DSCAM: variants seen among roughly 807,000 people sequenced by gnomAD.
DSCAM encodes DS cell adhesion molecule.
Under a neutral mutation model 217.7 loss-of-function variants are expected in DSCAM, and 47 were observed. The observed-to-expected ratio is 0.22, with a 90% CI of 0.17 to 0.28. DSCAM has a LOEUF of 0.28. Ranked by LOEUF, DSCAM falls within the 10% of genes least tolerant of loss-of-function variation. The probability of loss-of-function intolerance (pLI) is 1.00; values close to 1 mark genes in which losing one functional copy is unlikely to be tolerated. For missense variants in DSCAM, 2,080 were observed against 2,618.3 expected (o/e 0.79, Z 4.49); for synonymous variants, 1,056 against 1,015.3 (o/e 1.04, Z -0.76).
intron 18 of DSCAM, among the ~76,000 whole-genome samples, chr21:40,137,091 C>T (rs373463489): frequency 1.4e-5 from 2 of 146,784 alleles, no homozygotes; most frequent in African/African-American, 2.5e-5. Context: ...AAGAGAACGG[C>T]GTGAACCTGG....
chr21:40,196,452 T>C (rs1167883691), intron 11 of DSCAM, among the ~76,000 whole-genome samples: 1 of 151,700 alleles, frequency 6.6e-6, no homozygotes, highest in East Asian at 1.9e-4. Flanking sequence ...TCCCTGGGGG[T>C]GGGGGTTATG....
chr21:40,413,475 C>T (rs2075341830), intron 3 of DSCAM, among the ~76,000 whole-genome samples: 1 of 152,172 alleles, frequency 6.6e-6, no homozygotes, highest in African/African-American at 2.4e-5. Context: ...CATTTTGGAG[C>T]TTTAAGATTT....
chr21:40,396,352 G>T (rs2075178243), intron 3 of DSCAM, among the ~76,000 whole-genome samples: 1 of 152,116 alleles, frequency 6.6e-6, no homozygotes, highest in African/African-American at 2.4e-5. Context: ...CCTAACTTTA[G>T]GAATTAGCCA....
At chr21:40,678,459 G>A (rs4818161) in intron 3 of DSCAM, among the ~76,000 whole-genome samples, 67,435 of 151,822 alleles carry the variant, frequency 0.44, 15,512 homozygotes, top group East Asian at 0.59. Context: ...ATAATTCTCC[G>A]ATGAGAAATC....
At chr21:40,113,758 T>C (rs1035470643) in intron 20 of DSCAM, among the ~76,000 whole-genome samples, 7 of 152,196 alleles carry the variant, frequency 4.6e-5, no homozygotes, top group South Asian at 2.1e-4. Flanking sequence ...AGCATTCTTA[T>C]ATACCAATAA....
At chr21:40,131,719 ACT>A (rs1484004132) in intron 19 of DSCAM, among the ~76,000 whole-genome samples, 1 of 152,060 alleles carries the variant, frequency 6.6e-6, no homozygotes, top group Non-Finnish European at 1.5e-5. Context: ...AAATATTGAC[ACT>A]CAGTTCTGCA....
Position 40,807,109 on chromosome 21 carries a change from G to GAATC in DSCAM, c.43+39506_43+39509dup, listed in dbSNP as rs138377770. On this transcript the variant is annotated intron_variant, in intron 1 of 32. Coordinates refer to ENST00000400454, the MANE Select transcript of DSCAM (RefSeq NM_001389.5). Reference sequence around the variant, plus strand: ...TGTATCCCAGAACTTAAAGTATAATGAATCAATCAATCAATCAATCAATCA... The same window carrying GAATC: ...TGTATCCCAGAACTTAAAGTATAATGAATCAATCAATCAATCAATCAATCAATCA... Among the ~76,000 whole-genome samples the GAATC allele has an allele frequency of 4.9e-3, 742 of 151,226 alleles. 7 individuals carry two copies. Among genetic ancestry groups the GAATC allele is most frequent in the African/African-American group, 0.016 (638 of 41,136 alleles).
chr21:40,678,636 T>C (rs943896248), intron 3 of DSCAM, among the ~76,000 whole-genome samples: 6 of 152,122 alleles, frequency 3.9e-5, no homozygotes, highest in African/African-American at 1.4e-4. Context: ...CCCTGAAGCT[T>C]CTCCACACAG....
chr21:40,505,655 G>A lies in DSCAM; in HGVS notation c.509-136410C>T, dbSNP rs556239101. ...ACCTGTTTACAGGGACTCTTACTAA[G>A]AGAACAGGCTGTTGCTAAGGTACAG... On this transcript the variant is annotated intron_variant, in intron 3 of 32. Coordinates refer to ENST00000400454, the MANE Select transcript of DSCAM (RefSeq NM_001389.5). Among the ~76,000 whole-genome samples, 5 of 152,308 alleles carry A rather than the reference G, an allele frequency of 3.3e-5. No individual in the cohort carries two copies. In the East Asian group the frequency reaches 9.6e-4, roughly 29 times the overall value.
Position 40,436,807 on chromosome 21 carries a change from C to T in DSCAM, c.509-67562G>A, listed in dbSNP as rs546696763. 2.0e-5 allele frequency among the ~76,000 whole-genome samples: 3 copies of T among 151,466 alleles called. No individual in the cohort carries two copies. In the Admixed American group the frequency reaches 2.0e-4, roughly 10 times the overall value. ...CACAGTCTTTTGGGATGATAGAGTT[C>T]CTGCATGCATGAAGCCAGCTTGGAA... On this transcript the variant is annotated intron_variant, in intron 3 of 32. Coordinates refer to ENST00000400454, the MANE Select transcript of DSCAM (RefSeq NM_001389.5).
intron 10 of DSCAM, among the ~76,000 whole-genome samples, chr21:40,277,632 AT>A (rs563319395): frequency 0.033 from 4,511 of 137,168 alleles, 170 homozygotes; most frequent in African/African-American, 0.11. Flanking sequence ...GACAACCTGA[AT>A]TTTTTTTTTT....
intron 3 of DSCAM, among the ~76,000 whole-genome samples, chr21:40,479,278 A>G (rs2075962527): frequency 6.6e-6 from 1 of 152,222 alleles, no homozygotes; most frequent in Non-Finnish European, 1.5e-5. Flanking sequence ...TTACTACCCT[A>G]TAAAGCCCAG....
At chr21:40,416,727 T>A (rs1449853811) in intron 3 of DSCAM, among the ~76,000 whole-genome samples, 2 of 151,660 alleles carry the variant, frequency 1.3e-5, no homozygotes, top group Non-Finnish European at 3.0e-5. Flanking sequence ...ATAAAAACTT[T>A]AATAAAATTT....
intron 30 of DSCAM, among the ~76,000 whole-genome samples, chr21:40,049,635 A>G (rs2088896511): frequency 6.6e-6 from 1 of 152,214 alleles, no homozygotes; most frequent in South Asian, 2.1e-4. Context: ...GCACTGAGCC[A>G]TATACGTAAA....
chr21:40,398,517 C>A (rs1277707109), intron 3 of DSCAM, among the ~76,000 whole-genome samples: 1 of 151,528 alleles, frequency 6.6e-6, no homozygotes, highest in African/African-American at 2.4e-5. Context: ...TTAAAATTAG[C>A]CTCTAGGGCT....
At chr21:40,219,491 A>G (rs1003535157) in intron 11 of DSCAM, among the ~76,000 whole-genome samples, 4 of 152,210 alleles carry the variant, frequency 2.6e-5, no homozygotes, top group African/African-American at 9.6e-5. Flanking sequence ...TCATTAAGCT[A>G]TTTAGAGAGA....
chr21:40,317,510 C>T (rs1047325514), intron 8 of DSCAM, among the ~76,000 whole-genome samples: 13 of 151,890 alleles, frequency 8.6e-5, no homozygotes, highest in African/African-American at 2.9e-4. Context: ...AAATAGTGTC[C>T]TGTTCTTTTT....
At chr21:40,547,780 T>C (rs538255161) in intron 3 of DSCAM, among the ~76,000 whole-genome samples, 4 of 152,270 alleles carry the variant, frequency 2.6e-5, no homozygotes, top group Admixed American at 1.3e-4. Flanking sequence ...GTCCTTCAAA[T>C]GTGCCTCAAA....
At chr21:40,244,707 C>T (rs1262247851) in intron 11 of DSCAM, among the ~76,000 whole-genome samples, 6 of 152,036 alleles carry the variant, frequency 3.9e-5, no homozygotes, top group African/African-American at 1.4e-4. Context: ...GAGCTCTGCT[C>T]AGGTTGGGGC....
Sources: allele counts gnomAD v4.1 joint callset (sites outside exome capture counted in the v4.1 genomes callset), GRCh38; gene constraint gnomAD v4.1.1; transcripts MANE v1.5; gene names NCBI Gene and HGNC (gene_info 2026-07-23, HGNC 2026-07-21).